The following ABR variants were observed in gnomAD, a reference collection of about 807,000 sequenced individuals.
ABR encodes active breakpoint cluster region-related protein.
In ABR, 35 loss-of-function variants were observed where a neutral mutation model predicts 107.2. The observed-to-expected ratio is 0.33, with a 90% CI of 0.25 to 0.43. ABR has a LOEUF of 0.43. Ranked by LOEUF, ABR falls within the 20% of genes least tolerant of loss-of-function variation. ABR has a pLI of 1.00. For missense variants in ABR, 815 were observed against 1,115.2 expected, an observed-to-expected ratio of 0.73 and a Z score of 3.83; for synonymous variants, 498 against 462.0, an observed-to-expected ratio of 1.08 and a Z score of -1.00.
intron 2 of ABR, among the ~76,000 whole-genome samples, chr17:1,122,074 TG>T (rs1180530753): frequency 6.6e-6 from 1 of 152,188 alleles, no homozygotes; most frequent in African/African-American, 2.4e-5. Context: ...GGCTAATTTT[TG>T]TATTTTTAGT....
At chr17:1,085,099 G>A (rs887237115) in intron 4 of ABR, among the ~76,000 whole-genome samples, 1 of 148,632 alleles carries the variant, frequency 6.7e-6, no homozygotes, top group East Asian at 2.0e-4. Context: ...ACTGCGCCCG[G>A]CCAATTAAAA....
At chr17:1,187,554 T>A (rs953068807), upstream of ABR, among the ~76,000 whole-genome samples, 2 of 152,208 alleles carry the variant, frequency 1.3e-5, no homozygotes, top group Non-Finnish European at 2.9e-5. Context: ...AGGAGTGACA[T>A]GGGGAGAATG....
chr17:1,094,453 C>T (rs898167725), intron 3 of ABR, among the ~76,000 whole-genome samples: 1 of 151,766 alleles, frequency 6.6e-6, no homozygotes, highest in African/African-American at 2.4e-5. Flanking sequence ...TCACTGCAAC[C>T]TCCGCCTCCC....
intron 2 of ABR, among the ~76,000 whole-genome samples, chr17:1,103,407 G>A (rs1047456830): frequency 6.6e-6 from 1 of 152,166 alleles, no homozygotes; most frequent in African/African-American, 2.4e-5. Flanking sequence ...CTCATCCCCT[G>A]TGCTGGGGGC....
At chr17:1,047,063 G>A (rs901606589) in intron 16 of ABR, among the ~76,000 whole-genome samples, 5 of 152,348 alleles carry the variant, frequency 3.3e-5, no homozygotes, top group East Asian at 1.9e-4. Flanking sequence ...AAATGCCTGC[G>A]CTTAGGCCGT....
chr17:1,052,120 C>T (rs2032628475), intron 14 of ABR, among the ~76,000 whole-genome samples: 1 of 151,654 alleles, frequency 6.6e-6, no homozygotes, highest in Admixed American at 6.6e-5. Flanking sequence ...AAGGACAGTG[C>T]AGCTACCCCA....
chr17:1,208,756 C>CG, intron 1 of ABR, among the ~76,000 whole-genome samples: 1 of 152,062 alleles, frequency 6.6e-6, no homozygotes, highest in East Asian at 1.9e-4. Flanking sequence ...GGTGTGGTGG[C>CG]GGGCGCCTGT....
Position 1,179,735 on chromosome 17 carries a change from C to A in ABR, c.-8G>T. The A allele has an allele frequency of 7.2e-7, 1 of 1,393,710 alleles. No homozygotes were observed. The highest frequency in any genetic ancestry group is 9.6e-7 in the Non-Finnish European group (1 of 1,045,500). The allele number at this position is 1,393,710 out of a possible 1,614,324, so 86.3% of individuals were successfully genotyped here. On this transcript the variant is annotated 5_prime_UTR_variant, in exon 1 of 23. Transcript: ENST00000302538. This position sits in a 1 kb window ranked among gnomAD's most constrained non-coding sequence, Gnocchi z 4.9. ...GTGGCTGAGCGGCTCCATCCCGCGG[C>A]GGCGGCTCGGTCAGATCCGAAACCC...
chr17:1,009,725 C>A lies in ABR; in HGVS notation c.2296G>T (p.Asp766Tyr). 1 of 1,614,130 alleles carries A rather than the reference C, an allele frequency of 6.2e-7. No individual in the cohort carries two copies. The highest frequency in any genetic ancestry group is 8.5e-7 in the Non-Finnish European group (1 of 1,180,008). ...AAGAGGAAGGTGATGAGGTTGGGGT[C>A]GGGCAGGGAGCGGAGCAGGTGCATC... ...CMMHLLRSLP[D>Y]PNLITFLFLL... Residue 766 changes from aspartate to tyrosine, a missense_variant, in exon 21 of 23, where the codon GAC becomes TAC. This residue lies in a region of ABR where 175 missense variants were observed against 284.3 expected (regional missense o/e 0.62). Transcript: ENST00000302538.
At chr17:1,022,184 G>A (rs1388436973) in intron 16 of ABR, among the ~76,000 whole-genome samples, 1 of 152,008 alleles carries the variant, frequency 6.6e-6, no homozygotes, top group Non-Finnish European at 1.5e-5. Context: ...GAACCACGTG[G>A]AAGGTGGAGC....
At position 1,058,862 on chromosome 17, in the gene ABR, G is replaced by T; in HGVS notation, c.1188C>A (p.Ala396=). 1 of 1,614,076 alleles carries T rather than the reference G, an allele frequency of 6.2e-7. No homozygotes were observed. Among genetic ancestry groups the T allele is most frequent in the Non-Finnish European group, 8.5e-7 (1 of 1,179,992 alleles). The change falls in exon 11 of 23, where the codon GCC becomes GCA. Residue 396 remains alanine, a synonymous_variant. Transcript: ENST00000302538. ...CGATGGCCCGGCTCTGGCCTTTGTT[G>T]GCTTTCTGCAGGAGATGGGGACACA... ...ALKSEIQKEK[A]NKGQSRAIER...
intron 1 of ABR, among the ~76,000 whole-genome samples, chr17:1,159,290 A>T (rs553365359): frequency 9.3e-4 from 32 of 34,466 alleles, no homozygotes; most frequent in Admixed American, 1.2e-3. Context: ...GGGAGAGGTA[A>T]GAATGCGGTA....
intron 21 of ABR, among the ~76,000 whole-genome samples, chr17:1,008,267 T>A (rs2070221196): frequency 6.6e-6 from 1 of 152,202 alleles, no homozygotes; most frequent in Admixed American, 6.5e-5. Context: ...TGGTTCTCCT[T>A]CAGTCTCAAA....
chr17:1,061,937 A>G (rs188867359), intron 10 of ABR, among the ~76,000 whole-genome samples: 1 of 152,350 alleles, frequency 6.6e-6, no homozygotes, highest in East Asian at 1.9e-4. Flanking sequence ...AGTGGGGAAG[A>G]GAGGAGTCTG....
At chr17:1,177,467 G>A (rs887026363) in intron 1 of ABR, among the ~76,000 whole-genome samples, 1 of 152,204 alleles carries the variant, frequency 6.6e-6, no homozygotes, top group Non-Finnish European at 1.5e-5. Flanking sequence ...AATCAGGGCT[G>A]CCCAACAGAA....
At chr17:1,218,736 G>A (rs942368175) in intron 1 of ABR, among the ~76,000 whole-genome samples, 4 of 152,132 alleles carry the variant, frequency 2.6e-5, no homozygotes, top group Admixed American at 2.0e-4. Flanking sequence ...AACTTTGGCC[G>A]ATGAGTCTGT....
intron 1 of ABR, chr17:1,156,271 C>T (rs1189014207): frequency 1.3e-5 from 2 of 152,206 alleles, no homozygotes; most frequent in Non-Finnish European, 2.9e-5. Context: ...TGAGAGGGAA[C>T]CTGGGGCCAG....
At chr17:1,149,004 C>G (rs978413310) in intron 1 of ABR, among the ~76,000 whole-genome samples, 1 of 150,732 alleles carries the variant, frequency 6.6e-6, no homozygotes, top group East Asian at 1.9e-4. Flanking sequence ...TGGGTTCACG[C>G]CATTCTCCTG....
chr17:1,162,224 G>A (rs1032238711), intron 1 of ABR, among the ~76,000 whole-genome samples: 2 of 152,220 alleles, frequency 1.3e-5, no homozygotes, highest in African/African-American at 4.8e-5. Context: ...ACAGCGCCGT[G>A]AACACACGTC....
Sources: gnomAD v4.1 joint callset for allele counts (sites outside exome capture counted in the v4.1 genomes callset) on GRCh38, gnomAD v4.1.1 for gene constraint, gnomAD v4.1.1 regional missense constraint, Gnocchi (gnomAD v3.1) non-coding constraint, MANE v1.5 for transcripts, NCBI Gene and HGNC (gene_info 2026-07-23, HGNC 2026-07-21) for gene names.